Variants in FPR2 observed in about 807,000 individuals in gnomAD.
The protein encoded by FPR2 is N-formyl peptide receptor 2.
A neutral mutation model predicts 4.0 loss-of-function variants in FPR2; 3 were observed. That is an observed-to-expected ratio of 0.74 (90% CI 0.34 to 1.92). The LOEUF is 1.92. Among genes scored for constraint, FPR2 ranks in the 30% most tolerant of loss-of-function variants. FPR2 has a pLI of 0.07. For missense variants in FPR2, 372 were observed against 435.7 expected (o/e 0.85, Z 1.30); for synonymous variants, 179 against 171.5 (o/e 1.04, Z -0.34).
rs1229858073 is a variant in FPR2, at chr19:51,770,015, G to C, written c.*301G>C. ...CTTAGATGAGATAGCGCATAATAAG[G>C]GGAAGACTTTAAAGTATAAAGTAAA... On this transcript the variant is annotated 3_prime_UTR_variant, in exon 2 of 2. Transcript: ENST00000340023. The C allele has an allele frequency of 1.3e-5, 4 of 296,348 alleles. No individual in the cohort carries two copies. The highest frequency in any genetic ancestry group is 2.7e-5 in the Non-Finnish European group (4 of 148,218). The allele number at this position is 296,348 out of a possible 1,614,324, so 18.4% of individuals were successfully genotyped here.
chr19:51,768,238 A>T (rs17756817), intron 1 of FPR2: 1 of 166,780 alleles, frequency 6.0e-6, no homozygotes, highest in Non-Finnish European at 1.3e-5. Context: ...GCTGAAAGAG[A>T]TTGCAGAGCT....
At chr19:51,762,114 CT>C in intron 1 of FPR2, among the ~76,000 whole-genome samples, 1 of 131,530 alleles carries the variant, frequency 7.6e-6, no homozygotes, top group Middle Eastern at 4.5e-3. Context: ...GAGACAGAAT[CT>C]TGCTCTGTCG....
chr19:51,764,858 G>A (rs1161280349), intron 1 of FPR2, among the ~76,000 whole-genome samples: 4 of 151,590 alleles, frequency 2.6e-5, no homozygotes, highest in East Asian at 1.9e-4. Context: ...ACAGAGTCTC[G>A]CTCTTTCACC....
At chr19:51,761,819 C>G (rs1290111876) in intron 1 of FPR2, among the ~76,000 whole-genome samples, 1 of 151,926 alleles carries the variant, frequency 6.6e-6, no homozygotes, top group Non-Finnish European at 1.5e-5. Context: ...TGTGAAGGAG[C>G]CAAGTGTGAG....
intron 1 of FPR2, among the ~76,000 whole-genome samples, chr19:51,763,783 A>G (rs573622639): frequency 4.6e-5 from 7 of 152,142 alleles, no homozygotes; most frequent in South Asian, 2.1e-4. Flanking sequence ...TGTTTTTGAG[A>G]CGGAGTCACT....
At chr19:51,767,254 A>T (rs929410667) in intron 1 of FPR2, among the ~76,000 whole-genome samples, 3 of 152,204 alleles carry the variant, frequency 2.0e-5, no homozygotes, top group African/African-American at 7.2e-5. Context: ...TTTCTGATAA[A>T]GTCCACAGAC....
At position 51,769,626 on chromosome 19, in the gene FPR2, G is replaced by A; in HGVS notation, c.968G>A (p.Arg323Lys). ...CACTCCCTGCCCACCAGTCTGGAGA[G>A]GGCCCTGTCTGAGGACTCAGCCCCA... ...LIHSLPTSLE[R>K]ALSEDSAPTN... Residue 323 changes from arginine (R) to lysine (K), a missense_variant, in exon 2 of 2, where the codon AGG becomes AAG. Coordinates refer to ENST00000340023, the MANE Select transcript of FPR2 (RefSeq NM_001005738.2). This position sits in a 1 kb window ranked among gnomAD's most constrained non-coding sequence, Gnocchi z 4.4. The A allele has an allele frequency of 6.2e-7, 1 of 1,614,194 alleles. No individual in the cohort carries two copies. The highest frequency in any genetic ancestry group is 1.1e-5 in the South Asian group (1 of 91,088).
chr19:51,769,031 A>C lies in FPR2; in HGVS notation c.373A>C (p.Ile125Leu). Residue 125 changes from isoleucine (I) to leucine (L), a missense_variant, in exon 2 of 2, where the codon ATT becomes CTT. Transcript: ENST00000340023. This position sits in a 1 kb window ranked among gnomAD's most constrained non-coding sequence, Gnocchi z 4.4. ...LIGFIALDRC[I>L]CVLHPVWAQN... ...TGGTTTCATTGCACTGGACCGCTGC[A>C]TTTGTGTCCTGCATCCAGTCTGGGC... 6.2e-7 allele frequency: 1 copy of C among 1,614,116 alleles called. No individual in the cohort carries two copies. The highest frequency in any genetic ancestry group is 8.5e-7 in the Non-Finnish European group (1 of 1,180,016).
intron 1 of FPR2, among the ~76,000 whole-genome samples, chr19:51,766,840 C>G (rs1037817154): frequency 6.6e-6 from 1 of 152,214 alleles, no homozygotes; most frequent in East Asian, 1.9e-4. Context: ...ATAGCCCAGT[C>G]TGAGATGATT....
In FPR2 at chr19:51,769,720, G is replaced by C; in HGVS notation, c.*6G>C. ...CTGAGTTACAGGCAATGTGAGGATG[G>C]GGTCAGGGATATTTTGAGTTCTGTT... On this transcript the variant is annotated 3_prime_UTR_variant, in exon 2 of 2. Coordinates refer to ENST00000340023, the MANE Select transcript of FPR2 (RefSeq NM_001005738.2). This position sits in a 1 kb window ranked among gnomAD's most constrained non-coding sequence, Gnocchi z 4.4. 1 of 1,610,964 alleles carries C rather than the reference G, an allele frequency of 6.2e-7. No individual in the cohort carries two copies. The highest frequency in any genetic ancestry group is 1.1e-5 in the South Asian group (1 of 91,024).
intron 1 of FPR2, among the ~76,000 whole-genome samples, chr19:51,766,510 A>G (rs1002674112): frequency 3.9e-5 from 6 of 152,238 alleles, no homozygotes; most frequent in Non-Finnish European, 8.8e-5. Context: ...CACTGGTAAT[A>G]GCAGGAAGAA....
chr19:51,763,577 A>T (rs1230277563), intron 1 of FPR2: 1 of 152,232 alleles, frequency 6.6e-6, no homozygotes. Flanking sequence ...TGAGGCAGGG[A>T]ATCAAAGGGA....
rs1259765684 is a variant in FPR2 at position 51,770,344 on chromosome 19, TC to T, written c.*631del. On this transcript the variant is annotated 3_prime_UTR_variant, in exon 2 of 2. Coordinates refer to ENST00000340023, the MANE Select transcript of FPR2 (RefSeq NM_001005738.2). The stretch of plus-strand genomic sequence containing the variant: ...TATCTCACAGGAGTTGGTTAGAATT[TC>T]TGTGTTTATGTTTATATACTGTTAT... 6.0e-6 allele frequency: 1 copy of T among 167,126 alleles called. No individual in the cohort carries two copies. The highest frequency in any genetic ancestry group is 1.5e-5 in the Non-Finnish European group (1 of 68,142). 10.4% of individuals were successfully genotyped at this position (167,126 alleles called of 1,614,324 possible). A position where few individuals can be genotyped will look rare whatever the true frequency, so the allele number is the denominator to read the frequency against.
intron 1 of FPR2, among the ~76,000 whole-genome samples, chr19:51,767,499 G>A (rs2083874620): frequency 6.6e-6 from 1 of 152,170 alleles, no homozygotes; most frequent in Non-Finnish European, 1.5e-5. Context: ...CCCTTGCAAA[G>A]TAAAAGGGAT....
chr19:51,764,306 G>A (rs1040857548), intron 1 of FPR2, among the ~76,000 whole-genome samples: 2 of 152,126 alleles, frequency 1.3e-5, no homozygotes, highest in African/African-American at 4.8e-5. Context: ...GTCAGGGGAG[G>A]ACCGGCTGAA....
rs2083880901 is a variant in FPR2, at chr19:51,768,688, T to C, written c.30T>C (p.Asn10=). The C allele has an allele frequency of 1.9e-6, 3 of 1,610,690 alleles. No homozygotes were observed. The South Asian group carries it at 3.3e-5, about 18-fold the overall frequency. METNFSTPL[N]EYEEVSYESA... Reference sequence around the variant, plus strand: ...AAACCAACTTCTCCACTCCTCTGAATGAATATGAAGAAGTGTCCTATGAGT... The same window carrying C: ...AAACCAACTTCTCCACTCCTCTGAACGAATATGAAGAAGTGTCCTATGAGT... The change falls in exon 2 of 2, where the codon AAT becomes AAC. Residue 10 remains asparagine (N), a synonymous_variant. Coordinates refer to ENST00000340023, the MANE Select transcript of FPR2 (RefSeq NM_001005738.2).
intron 1 of FPR2, among the ~76,000 whole-genome samples, chr19:51,766,722 TC>T (rs2083870335): frequency 6.6e-6 from 1 of 151,876 alleles, no homozygotes; most frequent in African/African-American, 2.4e-5. Context: ...ACTACAGAAG[TC>T]CCCGGGCCAT....
At chr19:51,765,007 A>G (rs2083860940) in intron 1 of FPR2, among the ~76,000 whole-genome samples, 1 of 152,110 alleles carries the variant, frequency 6.6e-6, no homozygotes, top group Non-Finnish European at 1.5e-5. Flanking sequence ...TTGTATTTTT[A>G]GTAGAGACAG....
In FPR2 at chr19:51,769,729, A is replaced by G. The variant is rs1159809735; in HGVS notation, c.*15A>G. The G allele has an allele frequency of 6.2e-6, 10 of 1,606,322 alleles. No homozygotes were observed. The highest frequency in any genetic ancestry group is 8.5e-6 in the Non-Finnish European group (10 of 1,173,534). ...AGGCAATGTGAGGATGGGGTCAGGG[A>G]TATTTTGAGTTCTGTTCATCCTACC... On this transcript the variant is annotated 3_prime_UTR_variant, in exon 2 of 2. Transcript: ENST00000340023. This position sits in a 1 kb window ranked among gnomAD's most constrained non-coding sequence, Gnocchi z 4.4.
Sources: gnomAD v4.1 joint callset for allele counts (sites outside exome capture counted in the v4.1 genomes callset) on GRCh38, gnomAD v4.1.1 for gene constraint, Gnocchi (gnomAD v3.1) non-coding constraint, MANE v1.5 for transcripts, NCBI Gene and HGNC (gene_info 2026-07-23, HGNC 2026-07-21) for gene names.